SUCLG2: variants seen among roughly 807,000 people sequenced by gnomAD.
SUCLG2 encodes the protein succinate--CoA ligase [GDP-forming] subunit beta, mitochondrial.
Under a neutral mutation model 47.9 loss-of-function variants are expected in SUCLG2, and 42 were observed. The observed-to-expected ratio is 0.88, with a 90% CI of 0.69 to 1.14. SUCLG2 has a LOEUF of 1.14. SUCLG2 is among the 50% of genes most tolerant of loss of function. The pLI is 0.00. For synonymous variants in SUCLG2, 195 were observed against 197.3 expected (o/e 0.99, Z 0.10); for missense variants, 571 against 525.9 (o/e 1.09, Z -0.84).
At chr3:67,455,197 T>C (rs2106945052) in intron 9 of SUCLG2, among the ~76,000 whole-genome samples, 1 of 152,286 alleles carries the variant, frequency 6.6e-6, no homozygotes, top group South Asian at 2.1e-4. Context: ...AGTCCATTTG[T>C]CCCTGAATTG....
intron 1 of SUCLG2, among the ~76,000 whole-genome samples, chr3:67,641,080 G>T (rs881948): frequency 2.0e-5 from 3 of 152,074 alleles, no homozygotes; most frequent in East Asian, 1.9e-4. Context: ...ATCTGAACAA[G>T]GCTCTGCATT....
intron 6 of SUCLG2, among the ~76,000 whole-genome samples, chr3:67,511,090 C>A (rs997850419): frequency 6.6e-6 from 1 of 151,844 alleles, no homozygotes; most frequent in Admixed American, 6.6e-5. Context: ...GTTTTCACCA[C>A]GTTGGCCAGG....
chr3:67,451,929 C>A (rs1479843818), intron 9 of SUCLG2, among the ~76,000 whole-genome samples: 1 of 152,040 alleles, frequency 6.6e-6, no homozygotes, highest in Non-Finnish European at 1.5e-5. Context: ...TTCTGAGGAC[C>A]AGGATAACTG....
chr3:67,523,607 CAT>C (rs2107135846), intron 4 of SUCLG2, among the ~76,000 whole-genome samples: 1 of 152,240 alleles, frequency 6.6e-6, no homozygotes, highest in Admixed American at 6.5e-5. Flanking sequence ...ATAGAAATAA[CAT>C]AAAGTCTGCC....
intron 7 of SUCLG2, among the ~76,000 whole-genome samples, chr3:67,505,583 G>A (rs1280032664): frequency 2.6e-5 from 4 of 152,022 alleles, no homozygotes; most frequent in Admixed American, 6.6e-5. Context: ...GGCATCACTT[G>A]TTGTACAAAT....
intron 2 of SUCLG2, among the ~76,000 whole-genome samples, chr3:67,546,526 G>C (rs1013445195): frequency 6.6e-6 from 1 of 152,178 alleles, no homozygotes; most frequent in African/African-American, 2.4e-5. Context: ...CTTGAGGCCA[G>C]GAGTTCGAGA....
chr3:67,620,533 C>T (rs1053080219), intron 1 of SUCLG2, among the ~76,000 whole-genome samples: 8 of 130,586 alleles, frequency 6.1e-5, no homozygotes, highest in African/African-American at 2.1e-4. Flanking sequence ...TGCAGTGAAA[C>T]GAGAATGCAC....
chr3:67,541,319 A>G (rs912433147), intron 2 of SUCLG2, among the ~76,000 whole-genome samples: 1 of 152,220 alleles, frequency 6.6e-6, no homozygotes, highest in African/African-American at 2.4e-5. Flanking sequence ...AGAAAAGGTT[A>G]GATGAATTGC....
chr3:67,584,189 T>G (rs1003885836), intron 2 of SUCLG2, among the ~76,000 whole-genome samples: 1 of 152,186 alleles, frequency 6.6e-6, no homozygotes, highest in Non-Finnish European at 1.5e-5. Context: ...ATGTGCTGTA[T>G]CTATACAATG....
chr3:67,512,882 CAT>C (rs377594143), intron 6 of SUCLG2, among the ~76,000 whole-genome samples: 4 of 148,798 alleles, frequency 2.7e-5, no homozygotes, highest in African/African-American at 5.0e-5. Context: ...TCTCCATCTC[CAT>C]ATATATATAT....
At chr3:67,589,752 A>T (rs547302089) in intron 2 of SUCLG2, among the ~76,000 whole-genome samples, 37 of 152,290 alleles carry the variant, frequency 2.4e-4, no homozygotes, top group African/African-American at 8.7e-4. Flanking sequence ...GAACACACAT[A>T]CTCATGAGGC....
rs79764996 is a variant in SUCLG2, at chr3:67,500,742, T to C, written c.758-2447A>G. Among the ~76,000 whole-genome samples, 686 of 152,340 alleles carry C rather than the reference T, an allele frequency of 4.5e-3. 12 individuals carry two copies. The East Asian group carries it at 0.059, about 13-fold the overall frequency. On this transcript the variant is annotated intron_variant, in intron 7 of 10. Transcript: ENST00000307227. ...CTCCATTACTCATTGGCAAGACTACTTATAACTGACACCTTCAAAATGAAT... is the reference window on the plus strand; with the variant it reads ...CTCCATTACTCATTGGCAAGACTACCTATAACTGACACCTTCAAAATGAAT...
chr3:67,542,693 C>T lies in SUCLG2; in HGVS notation c.227-13507G>A, dbSNP rs553906423. On this transcript the variant is annotated intron_variant, in intron 2 of 10. Transcript: ENST00000307227. ...TAATCCTAGTCTGGGGTAAAACAGA[C>T]TTTAAACTAACAAAGATCAAAAGAG... Among the ~76,000 whole-genome samples the T allele has an allele frequency of 3.9e-5, 6 of 152,262 alleles. 1 individual carries two copies. The South Asian group carries it at 1.2e-3, about 32-fold the overall frequency.
intron 9 of SUCLG2, among the ~76,000 whole-genome samples, chr3:67,456,847 TA>T (rs994698158): frequency 5.1e-4 from 77 of 152,156 alleles, no homozygotes; most frequent in African/African-American, 1.7e-3. Context: ...AAAACATGTT[TA>T]GGGGGAAAAT....
chr3:67,620,479 G>A (rs1337641481), intron 1 of SUCLG2, among the ~76,000 whole-genome samples: 1 of 150,664 alleles, frequency 6.6e-6, no homozygotes, highest in Non-Finnish European at 1.5e-5. Context: ...CAGGTACTCA[G>A]GAGGCTGAGA....
intron 9 of SUCLG2, among the ~76,000 whole-genome samples, chr3:67,462,607 ATTTC>A (rs1371830386): frequency 6.6e-6 from 1 of 152,086 alleles, no homozygotes; most frequent in African/African-American, 2.4e-5. Flanking sequence ...CACCCTATTC[ATTTC>A]TTTATCTGTA....
chr3:67,630,574 G>C (rs1700908250), intron 1 of SUCLG2, among the ~76,000 whole-genome samples: 1 of 152,234 alleles, frequency 6.6e-6, no homozygotes, highest in Admixed American at 6.5e-5. Flanking sequence ...AGCACCTTAT[G>C]TATAAAGATA....
intron 7 of SUCLG2, among the ~76,000 whole-genome samples, chr3:67,503,221 T>C (rs1281560279): frequency 6.6e-6 from 1 of 152,216 alleles, no homozygotes; most frequent in East Asian, 1.9e-4. Flanking sequence ...TTCTCACACT[T>C]GTATCCACTT....
At chr3:67,556,112 A>G (rs1051797307) in intron 2 of SUCLG2, among the ~76,000 whole-genome samples, 11 of 152,232 alleles carry the variant, frequency 7.2e-5, no homozygotes, top group Non-Finnish European at 1.6e-4. Context: ...ATCAAAGACT[A>G]GAAAGACAGG....
Sources: allele counts gnomAD v4.1 joint callset (sites outside exome capture counted in the v4.1 genomes callset), GRCh38; gene constraint gnomAD v4.1.1; transcripts MANE v1.5; gene names NCBI Gene and HGNC (gene_info 2026-07-23, HGNC 2026-07-21).